The following HIP1 variants were observed in gnomAD, a reference collection of about 807,000 sequenced individuals.
HIP1 encodes the protein huntingtin interacting protein 1.
Under a neutral mutation model 147.6 loss-of-function variants are expected in HIP1, and 65 were observed. That is an observed-to-expected ratio of 0.44 (90% CI 0.36 to 0.54). The LOEUF (loss-of-function observed/expected upper bound fraction) is 0.54, where lower values mean the gene tolerates loss of function less well. HIP1 is among the 20% of genes least tolerant of loss of function. HIP1 has a pLI of 0.00. For synonymous variants in HIP1, 479 were observed against 504.0 expected, an observed-to-expected ratio of 0.95 and a Z score of 0.67; for missense variants, 1,061 against 1,299.6, an observed-to-expected ratio of 0.82 and a Z score of 2.82.
Position 75,558,250 on chromosome 7 carries a change from CT to C in HIP1, c.1380del (p.Ala461LeufsTer11), listed in dbSNP as rs782115507. ...CTATATCGCTGTTCATTGGCTTGAGCTTTCCCTGTATTGTAAAGGACCAAGG... is the reference window on the plus strand; with the variant it reads ...CTATATCGCTGTTCATTGGCTTGAGCTTCCCTGTATTGTAAAGGACCAAGG... ...AQRSLSEIER[K>X]AQANEQRYSK... On this transcript the variant is annotated frameshift_variant, in exon 15 of 31. Coordinates refer to ENST00000336926, the MANE Select transcript of HIP1 (RefSeq NM_005338.7). LOFTEE classifies it high-confidence loss of function. 6.2e-7 allele frequency: 1 copy of C among 1,613,932 alleles called. No homozygotes were observed. The highest frequency in any genetic ancestry group is 8.5e-7 in the Non-Finnish European group (1 of 1,179,802).
Position 75,573,907 on chromosome 7 carries a change from A to G in HIP1, c.605-6T>C, listed in dbSNP as rs781833592. ...CATGTCCAGGGAGTTGAATACTAGG[A>G]AATAAAAGTGAGGGAGAAAGGTGGT... On this transcript the variant is annotated splice_polypyrimidine_tract_variant and splice_region_variant and intron_variant, in intron 7 of 30. Coordinates refer to ENST00000336926, the MANE Select transcript of HIP1 (RefSeq NM_005338.7). The G allele has an allele frequency of 2.4e-5, 38 of 1,607,046 alleles. No homozygotes were observed.
intron 1 of HIP1, among the ~76,000 whole-genome samples, chr7:75,646,753 A>G (rs1337910248): frequency 2.0e-5 from 3 of 152,132 alleles, no homozygotes; most frequent in Non-Finnish European, 4.4e-5. Context: ...TGTCTGCCCC[A>G]TGGCACTCTC....
intron 1 of HIP1, chr7:75,625,545 G>T (rs1050409888): frequency 2.0e-5 from 3 of 152,268 alleles, no homozygotes; most frequent in African/African-American, 7.2e-5. Flanking sequence ...GGGCATTCAG[G>T]TAGAGATGAC....
At chr7:75,606,824 T>C (rs149217135) in intron 1 of HIP1, among the ~76,000 whole-genome samples, 407 of 152,300 alleles carry the variant, frequency 2.7e-3, no homozygotes, top group Non-Finnish European at 4.5e-3. Context: ...GTATGAATTA[T>C]CTTATATAAA....
At chr7:75,583,756 TTG>T (rs60640180) in intron 5 of HIP1, among the ~76,000 whole-genome samples, 30,179 of 114,962 alleles carry the variant, frequency 0.26, 3,853 homozygotes, top group Middle Eastern at 0.37. Context: ...GCGGGCTAAT[TTG>T]TGTGTGTGTG....
At chr7:75,653,191 C>G (rs1799047841) in intron 1 of HIP1, among the ~76,000 whole-genome samples, 1 of 152,058 alleles carries the variant, frequency 6.6e-6, no homozygotes, top group African/African-American at 2.4e-5. Context: ...AGAGGAATTC[C>G]TATTCCTCCC....
intron 9 of HIP1, among the ~76,000 whole-genome samples, chr7:75,564,249 C>T (rs954597659): frequency 7.9e-5 from 12 of 152,080 alleles, no homozygotes; most frequent in African/African-American, 2.9e-4. Flanking sequence ...CACTGAAGAC[C>T]AAGAAACCTA....
chr7:75,736,604 G>A (rs1802028017), intron 1 of HIP1, among the ~76,000 whole-genome samples: 1 of 152,016 alleles, frequency 6.6e-6, no homozygotes, highest in Non-Finnish European at 1.5e-5. Context: ...GGAGCAAGAA[G>A]CCTCATGTAA....
Position 75,723,014 on chromosome 7 carries a change from C to T in HIP1, c.120+15787G>A, listed in dbSNP as rs148370719. Among the ~76,000 whole-genome samples the T allele has an allele frequency of 9.2e-5, 14 of 152,272 alleles. No homozygotes were observed. In the East Asian group the frequency reaches 2.5e-3, roughly 27 times the overall value. ...TGTCTATGCAGCGAGACATGGGACCCATCAGGCCTCCTGCCCTGAAGCAGG... is the reference window on the plus strand; with the variant it reads ...TGTCTATGCAGCGAGACATGGGACCTATCAGGCCTCCTGCCCTGAAGCAGG... On this transcript the variant is annotated intron_variant, in intron 1 of 30. Coordinates refer to ENST00000336926, the MANE Select transcript of HIP1 (RefSeq NM_005338.7).
chr7:75,676,273 T>C (rs1023941197), intron 1 of HIP1, among the ~76,000 whole-genome samples: 4 of 152,180 alleles, frequency 2.6e-5, no homozygotes, highest in African/African-American at 4.8e-5. Context: ...ACACATCTAC[T>C]CTTTGCTGAG....
At chr7:75,675,696 A>G (rs955532207) in intron 1 of HIP1, among the ~76,000 whole-genome samples, 16 of 152,088 alleles carry the variant, frequency 1.1e-4, no homozygotes, top group Admixed American at 1.0e-3. Context: ...AATTTAAAGT[A>G]TTTGTCTAGG....
intron 1 of HIP1, among the ~76,000 whole-genome samples, chr7:75,686,927 C>T (rs1800281495): frequency 1.4e-5 from 2 of 146,580 alleles, no homozygotes; most frequent in African/African-American, 5.1e-5. Context: ...TCAAATGATC[C>T]TCCACCCTCA....
intron 1 of HIP1, among the ~76,000 whole-genome samples, chr7:75,684,268 G>A (rs2117278952): frequency 6.6e-6 from 1 of 151,698 alleles, no homozygotes; most frequent in East Asian, 1.9e-4. Context: ...CCAACATGGT[G>A]AAACCGTGTC....
At position 75,735,539 on chromosome 7, in the gene HIP1, A is replaced by G. The variant is rs150334472; in HGVS notation, c.120+3262T>C. 1.1e-4 allele frequency among the ~76,000 whole-genome samples: 17 copies of G among 152,276 alleles called. No individual in the cohort carries two copies. In the East Asian group the frequency reaches 2.5e-3, roughly 22 times the overall value. On this transcript the variant is annotated intron_variant, in intron 1 of 30. Transcript: ENST00000336926. ...TTTTCTAATTCATTTTTTATATCTC[A>G]TAATACATTCTTCCCCTTTTTTCCC...
In HIP1 at chr7:75,548,957, C is replaced by G. The variant is rs1554491562; in HGVS notation, c.2340G>C (p.Gly780=). Residue 780 remains glycine, a synonymous_variant, in exon 23 of 31, where the codon GGG becomes GGC. Coordinates refer to ENST00000336926, the MANE Select transcript of HIP1 (RefSeq NM_005338.7). ...RGLDIKQEEL[G]DLVDKEMAAT... ...CCGCCATCTCCTTGTCCACCAGGTCCCCCAGCTCCTCCTGCTTGATGTCCA... is the reference window on the plus strand; with the variant it reads ...CCGCCATCTCCTTGTCCACCAGGTCGCCCAGCTCCTCCTGCTTGATGTCCA... The G allele has an allele frequency of 6.2e-7, 1 of 1,614,090 alleles. No individual in the cohort carries two copies. The highest frequency in any genetic ancestry group is 1.7e-5 in the Admixed American group (1 of 60,012).
At chr7:75,658,708 G>C (rs1799215663) in intron 1 of HIP1, among the ~76,000 whole-genome samples, 1 of 151,956 alleles carries the variant, frequency 6.6e-6, no homozygotes, top group African/African-American at 2.4e-5. Context: ...TTGAGCCTAG[G>C]AGTTCCAGAC....
intron 1 of HIP1, among the ~76,000 whole-genome samples, chr7:75,676,229 T>C (rs1554515986): frequency 6.6e-6 from 1 of 152,194 alleles, no homozygotes; most frequent in African/African-American, 2.4e-5. Flanking sequence ...GGTTAGCTAA[T>C]GATTAGACAG....
At chr7:75,626,159 A>T (rs1726832857) in intron 1 of HIP1, 1 of 152,212 alleles carries the variant, frequency 6.6e-6, no homozygotes, top group Non-Finnish European at 1.5e-5. Flanking sequence ...TAGCAGCAAG[A>T]ATGGACTAAG....
At chr7:75,694,976 T>A in intron 1 of HIP1, among the ~76,000 whole-genome samples, 1 of 152,118 alleles carries the variant, frequency 6.6e-6, no homozygotes, top group East Asian at 1.9e-4. Flanking sequence ...TTGAACTCTA[T>A]GAGAAAACTA....
Sources: allele counts gnomAD v4.1 joint callset (sites outside exome capture counted in the v4.1 genomes callset), GRCh38; gene constraint gnomAD v4.1.1; transcripts MANE v1.5; gene names NCBI Gene and HGNC (gene_info 2026-07-23, HGNC 2026-07-21).